CRKL: variants seen among roughly 807,000 people sequenced by gnomAD.
CRKL encodes crk-like protein.
A neutral mutation model predicts 23.0 loss-of-function variants in CRKL; 3 were observed. The observed-to-expected ratio is 0.13, with a 90% CI of 0.06 to 0.34. The LOEUF is 0.34. Ranked by LOEUF, CRKL falls within the 10% of genes least tolerant of loss-of-function variation. CRKL has a pLI of 1.00. For missense variants in CRKL, 256 were observed against 394.5 expected, an observed-to-expected ratio of 0.65 and a Z score of 2.97; for synonymous variants, 188 against 160.7, an observed-to-expected ratio of 1.17 and a Z score of -1.28.
intron 1 of CRKL, among the ~76,000 whole-genome samples, chr22:20,928,533 G>A (rs1569133328): frequency 1.3e-5 from 2 of 151,862 alleles, no homozygotes; most frequent in South Asian, 2.1e-4. Context: ...TAAAACATTG[G>A]CCAGGCGTGG....
At chr22:20,921,811 C>T (rs1921002083) in intron 1 of CRKL, among the ~76,000 whole-genome samples, 3 of 151,398 alleles carry the variant, frequency 2.0e-5, no homozygotes, top group Admixed American at 6.6e-5. Flanking sequence ...TGGGTTCACA[C>T]CATTCTCCTG....
intron 1 of CRKL, 22 bp from the exon 2 acceptor site, chr22:20,933,752 TTAGAG>T (rs1569134783): frequency 1.9e-6 from 3 of 1,563,254 alleles, no homozygotes; most frequent in Non-Finnish European, 2.6e-6. Flanking sequence ...GATTTTTCTC[TTAGAG>T]TAATTTTCTT....
intron 2 of CRKL, among the ~76,000 whole-genome samples, chr22:20,944,139 C>CTT (rs57177824): frequency 0.19 from 19,616 of 105,284 alleles, 1,794 homozygotes; most frequent in Middle Eastern, 0.25. Flanking sequence ...GTAGTATTAG[C>CTT]TTTTTTTTTT....
intron 1 of CRKL, among the ~76,000 whole-genome samples, chr22:20,929,224 G>A (rs1000286778): frequency 1.3e-5 from 2 of 152,076 alleles, no homozygotes; most frequent in African/African-American, 4.8e-5. Flanking sequence ...GAGTGCAGTG[G>A]CGCGATCTCG....
At chr22:20,931,102 CTGTGGCTCTT>C (rs1177646877) in intron 1 of CRKL, among the ~76,000 whole-genome samples, 2 of 152,132 alleles carry the variant, frequency 1.3e-5, no homozygotes, top group East Asian at 3.9e-4. Flanking sequence ...CACAGGCTCT[CTGTGGCTCTT>C]GAAATAGCAG....
rs1922202832 is a variant in CRKL at position 20,949,914 on chromosome 22, A to G, written c.*69A>G. 6.5e-7 allele frequency: 1 copy of G among 1,535,294 alleles called. No individual in the cohort carries two copies. The highest frequency in any genetic ancestry group is 1.3e-5 in the South Asian group (1 of 78,942). ...CTAGTCTCCTTTGAAGTGGGAAAGC[A>G]TTTTCTCTCATAGGCAAGTCACACT... is the stretch of plus-strand genomic sequence containing the variant. On this transcript the variant is annotated 3_prime_UTR_variant, in exon 3 of 3. Transcript: ENST00000354336.
At chr22:20,920,866 C>T (rs533215880) in intron 1 of CRKL, among the ~76,000 whole-genome samples, 4 of 152,192 alleles carry the variant, frequency 2.6e-5, no homozygotes, top group Non-Finnish European at 4.4e-5. Context: ...GACCCTACCC[C>T]TCACGTTCAG....
intron 2 of CRKL, among the ~76,000 whole-genome samples, chr22:20,943,300 C>CAAA (rs1921942192): frequency 6.6e-6 from 1 of 152,094 alleles, no homozygotes; most frequent in Non-Finnish European, 1.5e-5. Context: ...CAATGGCACT[C>CAAA]ACGATCTCGA....
chr22:20,946,171 G>C (rs545983170), intron 2 of CRKL, among the ~76,000 whole-genome samples: 5 of 152,286 alleles, frequency 3.3e-5, no homozygotes, highest in Admixed American at 2.6e-4. Flanking sequence ...TCAGTACAGG[G>C]AGCGGAGACT....
At chr22:20,927,610 A>C (rs1921272566) in intron 1 of CRKL, among the ~76,000 whole-genome samples, 1 of 150,274 alleles carries the variant, frequency 6.7e-6, no homozygotes, top group South Asian at 2.1e-4. Flanking sequence ...TGGGAAGCCA[A>C]GACAGGTGGA....
At chr22:20,949,270 C>T (rs955905660) in intron 2 of CRKL, among the ~76,000 whole-genome samples, 20 of 152,098 alleles carry the variant, frequency 1.3e-4, no homozygotes, top group Non-Finnish European at 2.8e-4. Context: ...GGACTGCAGT[C>T]ATGTACCACC....
rs562948094 is a variant in CRKL at position 20,952,788 on chromosome 22, A to G, written c.*2943A>G. The G allele has an allele frequency of 4.3e-6, 1 of 231,544 alleles. No homozygotes were observed. Among genetic ancestry groups the G allele is most frequent in the Admixed American group, 5.6e-5 (1 of 17,740 alleles). 14.3% of individuals were successfully genotyped at this position (231,544 alleles called of 1,614,324 possible). A position where few individuals can be genotyped will look rare whatever the true frequency, so the allele number is the denominator to read the frequency against. The stretch of plus-strand genomic sequence containing the variant: ...GCATTGACTGGTTAAAAACTTGTGT[A>G]TCCCGGGAAGGACCTGCGGTACAGG... On this transcript the variant is annotated 3_prime_UTR_variant, in exon 3 of 3. Coordinates refer to ENST00000354336, the MANE Select transcript of CRKL (RefSeq NM_005207.4).
In CRKL at chr22:20,933,934, C is replaced by T. The variant is rs2147904957; in HGVS notation, c.467C>T (p.Pro156Leu). 6.2e-7 allele frequency: 1 copy of T among 1,614,130 alleles called. No individual in the cohort carries two copies. The highest frequency in any genetic ancestry group is 8.5e-7 in the Non-Finnish European group (1 of 1,180,028). ...GAGATCCTAGTGATAATAGAGAAGC[C>T]TGAAGAACAGTGGTGGAGTGCCCGG... ...KGEILVIIEKPEEQWWSARNK... is the reference protein window; with the variant it reads ...KGEILVIIEKLEEQWWSARNK... The change falls in exon 2 of 3, where the codon CCT becomes CTT. Residue 156 changes from proline to leucine, a missense_variant. This residue lies in a region of CRKL where 129 missense variants were observed against 222.1 expected (regional missense o/e 0.58). Coordinates refer to ENST00000354336, the MANE Select transcript of CRKL (RefSeq NM_005207.4).
intron 1 of CRKL, among the ~76,000 whole-genome samples, chr22:20,931,165 G>A (rs929978797): frequency 6.6e-6 from 1 of 152,126 alleles, no homozygotes; most frequent in African/African-American, 2.4e-5. Flanking sequence ...CAACACTTTG[G>A]GAGGCCAAGG....
chr22:20,921,707 CTTTCTTT>C (rs1043563598), intron 1 of CRKL, among the ~76,000 whole-genome samples: 2 of 151,314 alleles, frequency 1.3e-5, no homozygotes, highest in African/African-American at 4.9e-5. Flanking sequence ...TCTTTTCTTT[CTTTCTTT>C]TTTCTTTTTT....
Position 20,933,835 on chromosome 22 carries a change from A to G in CRKL, c.368A>G (p.Asp123Gly), listed in dbSNP as rs2147904621. 6.2e-7 allele frequency: 1 copy of G among 1,614,166 alleles called. No individual in the cohort carries two copies. The highest frequency in any genetic ancestry group is 8.5e-7 in the Non-Finnish European group (1 of 1,180,038). The change falls in exon 2 of 3, where the codon GAT becomes GGT. Residue 123 changes from aspartate (D) to glycine (G), a missense_variant. This residue lies in a region of CRKL where 42 missense variants were observed against 32.7 expected (regional missense o/e 1.29). Transcript: ENST00000354336. ...VSAPNLPTAE[D>G]NLEYVRTLYD... The stretch of plus-strand genomic sequence containing the variant: ...GCACCCAACCTGCCTACAGCAGAAG[A>G]TAACCTGGAATATGTACGGACTCTG...
At position 20,921,718 on chromosome 22, in the gene CRKL, C is replaced by CT. The variant is rs935279182; in HGVS notation, c.311+3484dup. Among the ~76,000 whole-genome samples the CT allele has an allele frequency of 7.3e-4, 107 of 146,994 alleles. No homozygotes were observed. In the East Asian group the frequency reaches 9.7e-3, roughly 13 times the overall value. ...TGTTTCTTTTCTTTCTTTCTTTTTT[C>CT]TTTTTTTTTTTCTTGAGACGGAGTC... On this transcript the variant is annotated intron_variant, in intron 1 of 2. Transcript: ENST00000354336.
intron 2 of CRKL, among the ~76,000 whole-genome samples, chr22:20,942,283 A>G (rs1921909851): frequency 6.6e-6 from 1 of 152,174 alleles, no homozygotes; most frequent in Non-Finnish European, 1.5e-5. Flanking sequence ...GGGGTGACTC[A>G]CACCTGTAAT....
At chr22:20,932,276 T>C (rs1334354120) in intron 1 of CRKL, among the ~76,000 whole-genome samples, 1 of 152,090 alleles carries the variant, frequency 6.6e-6, no homozygotes, top group Non-Finnish European at 1.5e-5. Flanking sequence ...GCCCGGCTCA[T>C]TTTTTGTCTG....
Sources: allele counts gnomAD v4.1 joint callset (sites outside exome capture counted in the v4.1 genomes callset), GRCh38; gene constraint gnomAD v4.1.1; regional missense constraint gnomAD v4.1.1; transcripts MANE v1.5; gene names NCBI Gene and HGNC (gene_info 2026-07-23, HGNC 2026-07-21).